ST6GAL1: variants seen among roughly 807,000 people sequenced by gnomAD.
ST6GAL1 encodes ST6 beta-galactoside alpha-2,6-sialyltransferase 1, also known as beta-galactoside alpha-2,6-sialyltransferase 1.
A neutral mutation model predicts 38.0 loss-of-function variants in ST6GAL1; 20 were observed. That is an observed-to-expected ratio of 0.53 (90% CI 0.37 to 0.77). The LOEUF (loss-of-function observed/expected upper bound fraction) is 0.77. Ranked by LOEUF, ST6GAL1 falls within the 30% of genes least tolerant of loss-of-function variation. The pLI is 0.00. For synonymous variants in ST6GAL1, 196 were observed against 188.2 expected, an observed-to-expected ratio of 1.04 and a Z score of -0.34; for missense variants, 432 against 496.4, an observed-to-expected ratio of 0.87 and a Z score of 1.23.
At chr3:186,937,479 C>A (rs1714003407) in intron 1 of ST6GAL1, among the ~76,000 whole-genome samples, 2 of 152,164 alleles carry the variant, frequency 1.3e-5, no homozygotes, top group Admixed American at 6.5e-5. Flanking sequence ...AACTTTAATA[C>A]CCCAGTCTTC....
intron 1 of ST6GAL1, among the ~76,000 whole-genome samples, chr3:186,951,979 T>C (rs1714594804): frequency 6.6e-6 from 1 of 152,154 alleles, no homozygotes; most frequent in Admixed American, 6.5e-5. Flanking sequence ...TTTATAAGGG[T>C]ACTACTGTAT....
intron 1 of ST6GAL1, among the ~76,000 whole-genome samples, chr3:186,942,893 A>G (rs1251677768): frequency 2.6e-5 from 4 of 152,122 alleles, no homozygotes; most frequent in Non-Finnish European, 5.9e-5. Flanking sequence ...AGTAGAGATG[A>G]GGTTTCGCCG....
intron 2 of ST6GAL1, among the ~76,000 whole-genome samples, chr3:187,037,652 C>G (rs1445544764): frequency 2.0e-5 from 3 of 152,138 alleles, no homozygotes; most frequent in African/African-American, 2.4e-5. Context: ...GCTCATAGCT[C>G]ACTGCAGCCT....
intron 2 of ST6GAL1, among the ~76,000 whole-genome samples, chr3:187,019,850 G>A (rs886821404): frequency 1.3e-5 from 2 of 152,208 alleles, no homozygotes; most frequent in Non-Finnish European, 2.9e-5. Context: ...TTAAGGAGAT[G>A]AAGATCAGGG....
intron 2 of ST6GAL1, among the ~76,000 whole-genome samples, chr3:187,024,474 G>GTA (rs68068581): frequency 0.052 from 7,000 of 134,950 alleles, 181 homozygotes; most frequent in Middle Eastern, 0.1. Context: ...ATATATATGT[G>GTA]TATATATATA....
chr3:187,046,154 G>A (rs6780488), intron 4 of ST6GAL1, among the ~76,000 whole-genome samples: 28,130 of 152,198 alleles, frequency 0.18, 2,733 homozygotes, highest in Admixed American at 0.22. Context: ...TGCCAGGCCT[G>A]CCCAGGCTGT....
intron 5 of ST6GAL1, among the ~76,000 whole-genome samples, chr3:187,057,981 C>T (rs1718770819): frequency 1.3e-5 from 2 of 152,196 alleles, no homozygotes; most frequent in South Asian, 4.1e-4. Flanking sequence ...GCTTTGTTTA[C>T]CTACTCAAGC....
At chr3:187,044,536 T>A (rs1380137820) in intron 4 of ST6GAL1, among the ~76,000 whole-genome samples, 1 of 152,256 alleles carries the variant, frequency 6.6e-6, no homozygotes, top group African/African-American at 2.4e-5. Flanking sequence ...TTTTTGGTTT[T>A]TCTTGGACTT....
intron 5 of ST6GAL1, among the ~76,000 whole-genome samples, chr3:187,061,168 C>T (rs1384812585): frequency 1.3e-5 from 2 of 151,804 alleles, no homozygotes; most frequent in Non-Finnish European, 2.9e-5. Flanking sequence ...TGAATTTAAC[C>T]AAGGAGTTGA....
At chr3:186,976,483 G>A (rs1715525084) in intron 2 of ST6GAL1, among the ~76,000 whole-genome samples, 1 of 151,970 alleles carries the variant, frequency 6.6e-6, no homozygotes, top group African/African-American at 2.4e-5. Flanking sequence ...AGGCTGGAAT[G>A]CAGTGGCACT....
At chr3:186,954,450 A>C (rs1186137667) in intron 1 of ST6GAL1, among the ~76,000 whole-genome samples, 21 of 152,186 alleles carry the variant, frequency 1.4e-4, no homozygotes, top group Admixed American at 1.3e-3. Context: ...TCCCACCAAC[A>C]GTGTAAAAGC....
intron 2 of ST6GAL1, among the ~76,000 whole-genome samples, chr3:186,979,224 G>A (rs1001823148): frequency 2.0e-4 from 30 of 152,134 alleles, no homozygotes; most frequent in Non-Finnish European, 1.0e-4. Context: ...AGGTTAGGTT[G>A]GGGGAATTCA....
chr3:187,022,536 T>G (rs897604389), intron 2 of ST6GAL1, among the ~76,000 whole-genome samples: 1 of 152,162 alleles, frequency 6.6e-6, no homozygotes, highest in South Asian at 2.1e-4. Context: ...TGGAGCCTCA[T>G]AGATAGCAGC....
rs74821966 is a variant in ST6GAL1, at chr3:187,071,294, A to G, written c.706-1555A>G. ...AAGGTGAATGTTGACAGCTGATTTCATATATTAATTCTGGCTTTCTTAAGA... is the reference window on the plus strand; with the variant it reads ...AAGGTGAATGTTGACAGCTGATTTCGTATATTAATTCTGGCTTTCTTAAGA... On this transcript the variant is annotated intron_variant, in intron 5 of 7. Coordinates refer to ENST00000169298, the MANE Select transcript of ST6GAL1 (RefSeq NM_173216.2). Among the ~76,000 whole-genome samples, 2,754 of 152,260 alleles carry G rather than the reference A, an allele frequency of 0.018. 185 individuals carry two copies. In the East Asian group the frequency reaches 0.23, roughly 13 times the overall value.
intron 2 of ST6GAL1, among the ~76,000 whole-genome samples, chr3:187,023,140 G>T (rs1238411810): frequency 6.6e-6 from 1 of 152,184 alleles, no homozygotes; most frequent in Non-Finnish European, 1.5e-5. Context: ...CAGTTGGTTA[G>T]TGGGGGGCTT....
intron 2 of ST6GAL1, among the ~76,000 whole-genome samples, chr3:186,966,441 A>G (rs548496249): frequency 2.6e-5 from 4 of 152,368 alleles, no homozygotes; most frequent in African/African-American, 9.6e-5. Context: ...CAAAAGAGAT[A>G]CACTAAGGCT....
intron 6 of ST6GAL1, 141 bp downstream of exon 6, chr3:187,073,088 A>G: frequency 7.9e-6 from 5 of 629,598 alleles, no homozygotes; most frequent in Non-Finnish European, 1.4e-5. Flanking sequence ...ACCCCATTTC[A>G]TCTGGACTAG....
intron 2 of ST6GAL1, among the ~76,000 whole-genome samples, chr3:187,035,168 T>G (rs1187917266): frequency 6.6e-6 from 1 of 152,154 alleles, no homozygotes; most frequent in Non-Finnish European, 1.5e-5. Flanking sequence ...CAACAAAATT[T>G]TAAATACCTA....
intron 2 of ST6GAL1, among the ~76,000 whole-genome samples, chr3:187,029,107 T>G (rs1448098519): frequency 5.1e-5 from 2 of 38,976 alleles, no homozygotes; most frequent in African/African-American, 1.5e-4. Context: ...AAAGAATTTT[T>G]CATAGGTGCT....
Sources: allele counts gnomAD v4.1 joint callset (sites outside exome capture counted in the v4.1 genomes callset), GRCh38; gene constraint gnomAD v4.1.1; transcripts MANE v1.5; gene names NCBI Gene and HGNC (gene_info 2026-07-23, HGNC 2026-07-21).